The following TMEFF2 variants were observed in gnomAD, a reference collection of about 807,000 sequenced individuals.
TMEFF2 encodes transmembrane protein with EGF like and two follistatin like domains 2, also known as tomoregulin-2.
TMEFF2 carries 28 observed loss-of-function variants against 53.8 expected under a neutral mutation model. The ratio of observed to expected loss-of-function variants is 0.52; its 90% confidence interval spans 0.39 to 0.71. The LOEUF (loss-of-function observed/expected upper bound fraction) is 0.71, where lower values mean the gene tolerates loss of function less well. Among genes scored for constraint, TMEFF2 ranks in the 30% least tolerant of loss-of-function variants. The pLI is 0.00. For synonymous variants in TMEFF2, 162 were observed against 166.3 expected, an observed-to-expected ratio of 0.97 and a Z score of 0.20; for missense variants, 353 against 455.2, an observed-to-expected ratio of 0.78 and a Z score of 2.04.
chr2:192,071,233 T>C (rs1486069389), intron 4 of TMEFF2, among the ~76,000 whole-genome samples: 1 of 151,928 alleles, frequency 6.6e-6, no homozygotes, highest in Non-Finnish European at 1.5e-5. Context: ...GACTACAATA[T>C]GCAGAGCCAG....
At chr2:192,117,673 C>G (rs776056319) in intron 4 of TMEFF2, among the ~76,000 whole-genome samples, 1 of 152,036 alleles carries the variant, frequency 6.6e-6, no homozygotes, top group East Asian at 1.9e-4. Context: ...CCCCACCCCC[C>G]ACTTTTCTGC....
At chr2:192,133,046 G>GT (rs1689895791) in intron 4 of TMEFF2, among the ~76,000 whole-genome samples, 1 of 151,980 alleles carries the variant, frequency 6.6e-6, no homozygotes, top group African/African-American at 2.4e-5. Context: ...CCTTGCCTCC[G>GT]TAACTGTTGT....
chr2:192,005,314 C>G (rs905077071), intron 5 of TMEFF2, among the ~76,000 whole-genome samples: 5 of 152,182 alleles, frequency 3.3e-5, no homozygotes, highest in African/African-American at 1.2e-4. Context: ...CCCTGCCTCA[C>G]TTGAAATGGC....
At chr2:192,147,717 C>G (rs12105030) in intron 4 of TMEFF2, among the ~76,000 whole-genome samples, 3 of 151,968 alleles carry the variant, frequency 2.0e-5, no homozygotes, top group Admixed American at 6.6e-5. Context: ...TATAATCAAC[C>G]CCAAACATTT....
rs1016283019 is a variant in TMEFF2 at position 192,141,457 on chromosome 2, A to T, written c.439+38211T>A. On this transcript the variant is annotated intron_variant, in intron 4 of 9. Coordinates refer to ENST00000272771, the MANE Select transcript of TMEFF2 (RefSeq NM_016192.4). ...GACAGAGTGAGACTCCGTCTCAAAA[A>T]AGAAAAAAAAAAAAAAAAAAAAGAA... Among the ~76,000 whole-genome samples, 9 of 145,184 alleles carry T rather than the reference A, an allele frequency of 6.2e-5. No homozygotes were observed. The South Asian group carries it at 1.9e-3, about 31-fold the overall frequency.
chr2:192,137,916 C>T (rs960399164), intron 4 of TMEFF2, among the ~76,000 whole-genome samples: 2 of 151,912 alleles, frequency 1.3e-5, no homozygotes, highest in African/African-American at 4.8e-5. Context: ...TATTCTCCTG[C>T]CTCAGACTCC....
At chr2:192,078,306 T>C (rs997133656) in intron 4 of TMEFF2, among the ~76,000 whole-genome samples, 52 of 152,296 alleles carry the variant, frequency 3.4e-4, no homozygotes, top group African/African-American at 1.2e-3. Context: ...TATAGAAAGA[T>C]CTTGACATAT....
At chr2:191,984,942 T>C (rs1685941989) in intron 7 of TMEFF2, among the ~76,000 whole-genome samples, 1 of 152,112 alleles carries the variant, frequency 6.6e-6, no homozygotes, top group Admixed American at 6.6e-5. Flanking sequence ...ACCCAGTTAA[T>C]ATACTGATAC....
At chr2:192,107,969 C>T (rs1394236706) in intron 4 of TMEFF2, among the ~76,000 whole-genome samples, 1 of 150,558 alleles carries the variant, frequency 6.6e-6, no homozygotes, top group Admixed American at 6.6e-5. Flanking sequence ...TTTTAGAAAA[C>T]AGATAATTTC....
At chr2:192,118,104 ATT>A (rs914610311) in intron 4 of TMEFF2, among the ~76,000 whole-genome samples, 5 of 151,962 alleles carry the variant, frequency 3.3e-5, no homozygotes, top group Admixed American at 6.6e-5. Flanking sequence ...CTTGAGAGAC[ATT>A]TGTTTTTATT....
At chr2:192,022,665 A>C (rs914647280) in intron 5 of TMEFF2, among the ~76,000 whole-genome samples, 1 of 152,054 alleles carries the variant, frequency 6.6e-6, no homozygotes, top group Non-Finnish European at 1.5e-5. Context: ...TATATCTTGG[A>C]GTGGGCATCT....
intron 4 of TMEFF2, among the ~76,000 whole-genome samples, chr2:192,173,829 C>T (rs1690973404): frequency 6.6e-6 from 1 of 151,652 alleles, no homozygotes; most frequent in Non-Finnish European, 1.5e-5. Context: ...ATACTTTAAG[C>T]CATGGACTTA....
intron 8 of TMEFF2, 45 bp from the exon 9 acceptor site, chr2:191,953,882 C>G: frequency 1.5e-6 from 1 of 662,312 alleles, no homozygotes; most frequent in Non-Finnish European, 2.1e-6. Context: ...GTGCTGCATT[C>G]ATTTTTTTTT....
rs142138419 is a variant in TMEFF2, at chr2:192,193,550, G to A, written c.172+803C>T. On this transcript the variant is annotated intron_variant, in intron 1 of 9. Transcript: ENST00000272771. ...GGAGGAGTCAGCGCCCACTGAAGTC[G>A]GTTCCGCCCTCGGCTCGCCTACATG... is the stretch of plus-strand genomic sequence containing the variant. Among the ~76,000 whole-genome samples, 626 of 152,230 alleles carry A rather than the reference G, an allele frequency of 4.1e-3. 2 individuals carry two copies. Among genetic ancestry groups the A allele is most frequent in the Non-Finnish European group, 6.9e-3 (469 of 68,018 alleles).
At chr2:192,061,544 T>A (rs1294348185) in intron 4 of TMEFF2, among the ~76,000 whole-genome samples, 1 of 152,058 alleles carries the variant, frequency 6.6e-6, no homozygotes, top group Admixed American at 6.6e-5. Flanking sequence ...CATCCACAGA[T>A]TTTGGTATAC....
chr2:192,189,925 C>T (rs566981009), intron 2 of TMEFF2, among the ~76,000 whole-genome samples: 4 of 152,208 alleles, frequency 2.6e-5, no homozygotes, highest in Admixed American at 6.5e-5. Flanking sequence ...AGTAGTAGTA[C>T]ACTAGTACAT....
chr2:192,019,610 C>T (rs1014670302), intron 5 of TMEFF2, among the ~76,000 whole-genome samples: 3 of 151,460 alleles, frequency 2.0e-5, no homozygotes, highest in Admixed American at 6.6e-5. Context: ...ATAACATGCA[C>T]AAAATATTAC....
At chr2:192,033,990 A>G (rs1455845206) in intron 5 of TMEFF2, among the ~76,000 whole-genome samples, 9 of 152,044 alleles carry the variant, frequency 5.9e-5, no homozygotes, top group Non-Finnish European at 1.0e-4. Flanking sequence ...CCTGGCTAAC[A>G]TGGTGAAACC....
At chr2:192,053,240 CTATT>C (rs1336478215) in intron 5 of TMEFF2, among the ~76,000 whole-genome samples, 3 of 151,994 alleles carry the variant, frequency 2.0e-5, no homozygotes, top group East Asian at 1.9e-4. Context: ...TCTCTTTCCC[CTATT>C]TATTAATTTT....
Sources: gnomAD v4.1 joint callset for allele counts (sites outside exome capture counted in the v4.1 genomes callset) on GRCh38, gnomAD v4.1.1 for gene constraint, MANE v1.5 for transcripts, NCBI Gene and HGNC (gene_info 2026-07-23, HGNC 2026-07-21) for gene names.